PTCD1: variants seen among roughly 807,000 people sequenced by gnomAD.
The protein encoded by PTCD1 is pentatricopeptide repeat-containing protein 1, mitochondrial.
A neutral mutation model predicts 53.4 loss-of-function variants in PTCD1; 50 were observed. The observed-to-expected ratio is 0.94, with a 90% CI of 0.75 to 1.19. PTCD1 has a LOEUF of 1.19. Ranked by LOEUF, PTCD1 falls within the 50% of genes most tolerant of loss-of-function variation. The pLI, the probability that PTCD1 is intolerant of heterozygous loss-of-function variation, is 0.00. For missense variants in PTCD1, 918 were observed against 904.8 expected (o/e 1.01, Z -0.19); for synonymous variants, 413 against 394.8 (o/e 1.05, Z -0.55).
In PTCD1 at chr7:99,424,323, T is replaced by G. The variant is rs141154726; in HGVS notation, c.1738-366A>C. ...CCTTGGCTGGGTGAGCCCGGTAGGGTCCAGGAAAACAGCCAGAGGATGATG... is the reference window on the plus strand; with the variant it reads ...CCTTGGCTGGGTGAGCCCGGTAGGGGCCAGGAAAACAGCCAGAGGATGATG... On this transcript the variant is annotated intron_variant, in intron 6 of 7. Transcript: ENST00000292478. Among the ~76,000 whole-genome samples, 267 of 152,082 alleles carry G rather than the reference T, an allele frequency of 1.8e-3. 2 individuals carry two copies. Among genetic ancestry groups the G allele is most frequent in the Admixed American group, 4.1e-3 (62 of 15,282 alleles).
chr7:99,424,167 G>A (rs867488340), intron 6 of PTCD1, among the ~76,000 whole-genome samples: 11 of 152,162 alleles, frequency 7.2e-5, no homozygotes, highest in Admixed American at 6.5e-4. Context: ...GGAAAAGGAC[G>A]CTCGTGCTGC....
At chr7:99,438,057 C>T (rs1301637839) in intron 1 of PTCD1, among the ~76,000 whole-genome samples, 2 of 152,268 alleles carry the variant, frequency 1.3e-5, no homozygotes, top group East Asian at 1.9e-4. Flanking sequence ...AAAGGAAATG[C>T]TATACTTCAC....
At position 99,424,908 on chromosome 7, in the gene PTCD1, GC is replaced by G; in HGVS notation, c.1623del (p.Leu542CysfsTer37). 1.9e-6 allele frequency: 3 copies of G among 1,614,258 alleles called. No homozygotes were observed. Among genetic ancestry groups the G allele is most frequent in the Non-Finnish European group, 2.5e-6 (3 of 1,180,042 alleles). On this transcript the variant is annotated frameshift_variant, in exon 6 of 8. Coordinates refer to ENST00000292478, the MANE Select transcript of PTCD1 (RefSeq NM_015545.4). LOFTEE classifies it high-confidence loss of function. ...SKLGDLEGAKALLPVLAKRGL... is the reference protein window; with the variant it reads ...SKLGDLEGAKXLLPVLAKRGL... The stretch of plus-strand genomic sequence containing the variant: ...CCCCTCTTTGCCAGGACCGGCAACA[GC>G]GCCTTGGCCCCCTCCAGGTCTCCCA...
chr7:99,432,604 A>ACGCGCAGG (rs1562845661), intron 3 of PTCD1, among the ~76,000 whole-genome samples: 3 of 152,038 alleles, frequency 2.0e-5, no homozygotes, highest in Admixed American at 1.3e-4. Context: ...GGTCCTCCGT[A>ACGCGCAGG]TGCGCAGGTC....
intron 1 of PTCD1, chr7:99,438,465 G>T: frequency 9.4e-7 from 1 of 1,058,338 alleles, no homozygotes; most frequent in Non-Finnish European, 1.2e-6. Context: ...AAAAAACCCT[G>T]AATTAGAGAC....
intron 2 of PTCD1, 69 bp downstream of exon 2, chr7:99,434,721 A>G: frequency 6.3e-7 from 1 of 1,596,306 alleles, no homozygotes; most frequent in Non-Finnish European, 8.6e-7. Context: ...AAGTCAGGTG[A>G]CCCCTTGCAA....
chr7:99,427,705 C>T (rs574637649), intron 5 of PTCD1, among the ~76,000 whole-genome samples: 4,098 of 151,810 alleles, frequency 0.027, 73 homozygotes, highest in Non-Finnish European at 0.035. Flanking sequence ...GGATGGTTGC[C>T]GTGTCTGTGT....
At chr7:99,437,687 T>C (rs1235002506) in intron 1 of PTCD1, among the ~76,000 whole-genome samples, 1 of 152,020 alleles carries the variant, frequency 6.6e-6, no homozygotes, top group African/African-American at 2.4e-5. Flanking sequence ...ACTGGGTTTT[T>C]TTGCGTCTCA....
In PTCD1 at chr7:99,425,050, G is replaced by A. The variant is rs201202678; in HGVS notation, c.1482C>T (p.Ala494=). The A allele has an allele frequency of 7.4e-6, 12 of 1,614,020 alleles. No individual in the cohort carries two copies. The highest frequency in any genetic ancestry group is 4.5e-5 in the East Asian group (2 of 44,896). The change falls in exon 6 of 8, where the codon GCC becomes GCT. Residue 494 remains alanine (A), a synonymous_variant. Coordinates refer to ENST00000292478, the MANE Select transcript of PTCD1 (RefSeq NM_015545.4). ...CAGGACTCCCGGACTCCACCACCTC[G>A]GCCAGTAGCGTGAGGGTCCTGATGT... ...QPDIRTLTLL[A]EVVESGSPAE...
At chr7:99,434,689 G>T in intron 2 of PTCD1, 101 bp downstream of exon 2, 1 of 1,468,324 alleles carries the variant, frequency 6.8e-7, no homozygotes, top group Non-Finnish European at 9.5e-7. Flanking sequence ...AACAGGGTAG[G>T]CCCAAAACTT....
intron 3 of PTCD1, 71 bp downstream of exon 3, chr7:99,433,207 C>T: frequency 6.2e-7 from 1 of 1,612,692 alleles, no homozygotes; most frequent in Non-Finnish European, 8.5e-7. Flanking sequence ...AAAGCACTAG[C>T]AAGTGGCACA....
intron 1 of PTCD1, 24 bp from the exon 2 acceptor site, chr7:99,435,292 G>A: frequency 6.3e-7 from 1 of 1,599,366 alleles, no homozygotes; most frequent in South Asian, 1.1e-5. Context: ...GGAAAAATAA[G>A]AGAGTCAACT....
chr7:99,425,108 AG>A lies in PTCD1; in HGVS notation c.1423del (p.Leu475Ter). On this transcript the variant is annotated frameshift_variant, in exon 6 of 8. Coordinates refer to ENST00000292478, the MANE Select transcript of PTCD1 (RefSeq NM_015545.4). LOFTEE classifies it high-confidence loss of function. ...LALIGGLEGF[L>X]SKMAEHRQQP... ...CTGCCTGTGCTCTGCCATCTTGCTCAGGAAGCCCTCCAGGCCCCCTATCAAG... is the reference window on the plus strand; with the variant it reads ...CTGCCTGTGCTCTGCCATCTTGCTCAGAAGCCCTCCAGGCCCCCTATCAAG... 1 of 1,614,026 alleles carries A rather than the reference AG, an allele frequency of 6.2e-7. No individual in the cohort carries two copies. Among genetic ancestry groups the A allele is most frequent in the Non-Finnish European group, 8.5e-7 (1 of 1,179,998 alleles).
intron 7 of PTCD1, among the ~76,000 whole-genome samples, chr7:99,422,559 C>T (rs569960658): frequency 3.9e-5 from 6 of 152,254 alleles, no homozygotes; most frequent in East Asian, 1.9e-4. Context: ...GAGTCCTTGG[C>T]GAAATTTCCC....
intron 1 of PTCD1, among the ~76,000 whole-genome samples, chr7:99,435,947 A>G (rs1399006385): frequency 6.9e-6 from 1 of 144,950 alleles, no homozygotes; most frequent in African/African-American, 2.7e-5. Context: ...AAAAAAAAAA[A>G]TAATAATAAT....
chr7:99,419,541 G>C lies in PTCD1; in HGVS notation c.*426C>G. Reference sequence around the variant, plus strand: ...CGAGCAGTGCCCCAGGCCCGAGTTGGAGCACGGTCTCTATGGGGAAGGCTT... The same window carrying C: ...CGAGCAGTGCCCCAGGCCCGAGTTGCAGCACGGTCTCTATGGGGAAGGCTT... On this transcript the variant is annotated 3_prime_UTR_variant, in exon 8 of 8. Transcript: ENST00000292478. 1 of 1,384,702 alleles carries C rather than the reference G, an allele frequency of 7.2e-7. No homozygotes were observed. Among genetic ancestry groups the C allele is most frequent in the Non-Finnish European group, 1.0e-6 (1 of 985,670 alleles). The allele number at this position is 1,384,702 out of a possible 1,614,324, so 85.8% of individuals were successfully genotyped here. A position where few individuals can be genotyped will look rare whatever the true frequency, so the allele number is the denominator to read the frequency against.
chr7:99,417,357 T>G lies in PTCD1; in HGVS notation c.*2610A>C. ...TGTGAGCCACTGCACCCGGCCTGAATGCTTTTTTTGATCAAGGGTGGGGAA... is the reference window on the plus strand; with the variant it reads ...TGTGAGCCACTGCACCCGGCCTGAAGGCTTTTTTTGATCAAGGGTGGGGAA... On this transcript the variant is annotated 3_prime_UTR_variant, in exon 8 of 8. Coordinates refer to ENST00000292478, the MANE Select transcript of PTCD1 (RefSeq NM_015545.4). The G allele has an allele frequency of 6.5e-7, 1 of 1,528,066 alleles. No homozygotes were observed. Among genetic ancestry groups the G allele is most frequent in the South Asian group, 1.1e-5 (1 of 88,664 alleles). The allele number at this position is 1,528,066 out of a possible 1,614,324, so 94.7% of individuals were successfully genotyped here.
intron 2 of PTCD1, among the ~76,000 whole-genome samples, chr7:99,433,779 C>T (rs543147156): frequency 2.0e-5 from 3 of 152,230 alleles, no homozygotes; most frequent in South Asian, 4.2e-4. Context: ...TGAGGCCAGG[C>T]GCAGTGGCTC....
rs966919593 is a variant in PTCD1 at position 99,418,965 on chromosome 7, G to A, written c.*1002C>T. The stretch of plus-strand genomic sequence containing the variant: ...TTCTGGGGGGCTCTGGGCCAGAAGG[G>A]TGTGACTCAAGTGCATAGTCTCCTG... On this transcript the variant is annotated 3_prime_UTR_variant, in exon 8 of 8. Coordinates refer to ENST00000292478, the MANE Select transcript of PTCD1 (RefSeq NM_015545.4). 3 of 183,850 alleles carry A rather than the reference G, an allele frequency of 1.6e-5. No individual in the cohort carries two copies. The highest frequency in any genetic ancestry group is 3.4e-5 in the Non-Finnish European group (3 of 87,176). 11.4% of individuals were successfully genotyped at this position (183,850 alleles called of 1,614,324 possible).
Sources: gnomAD v4.1 joint callset for allele counts (sites outside exome capture counted in the v4.1 genomes callset) on GRCh38, gnomAD v4.1.1 for gene constraint, MANE v1.5 for transcripts, NCBI Gene and HGNC (gene_info 2026-07-23, HGNC 2026-07-21) for gene names.